The following ADGRA2 variants were observed in gnomAD, a reference collection of about 807,000 sequenced individuals.
The protein encoded by ADGRA2 is adhesion G protein-coupled receptor A2, also known as G-protein coupled receptor 124.
Under a neutral mutation model 98.7 loss-of-function variants are expected in ADGRA2, and 61 were observed. That is an observed-to-expected ratio of 0.62 (90% CI 0.50 to 0.76). The LOEUF is 0.76. Among genes scored for constraint, ADGRA2 ranks in the 30% least tolerant of loss-of-function variants. The probability of loss-of-function intolerance (pLI) is 0.00; values close to 1 mark genes in which losing one functional copy is unlikely to be tolerated. For synonymous variants in ADGRA2, 858 were observed against 831.5 expected (o/e 1.03, Z -0.55); for missense variants, 1,712 against 1,860.0 (o/e 0.92, Z 1.46).
Position 37,830,585 on chromosome 8 carries a change from A to C in ADGRA2, c.719-125A>C. On this transcript the variant is annotated intron_variant, in intron 6 of 18. Transcript: ENST00000412232. The surrounding 1 kb of genome is among the most constrained non-coding windows in gnomAD (Gnocchi z 4.8). ...TTTCTCTTGACCCCTTTTCCTTCCC[A>C]GCTGGAGCAGGCTGCAGGCCGAGGG... The C allele has an allele frequency of 1.5e-6, 1 of 666,358 alleles. No homozygotes were observed. The highest frequency in any genetic ancestry group is 1.8e-5 in the South Asian group (1 of 55,916). 41.3% of individuals were successfully genotyped at this position (666,358 alleles called of 1,614,324 possible). A position where few individuals can be genotyped will look rare whatever the true frequency, so the allele number is the denominator to read the frequency against.
At chr8:37,837,016 A>AGT (rs2130043428) in intron 13 of ADGRA2, among the ~76,000 whole-genome samples, 1 of 152,324 alleles carries the variant, frequency 6.6e-6, no homozygotes, top group African/African-American at 2.4e-5. Context: ...AGCAGAGAGG[A>AGT]CAGGCAGTGG....
In ADGRA2 at chr8:37,835,364, G is replaced by A. The variant is rs146483342; in HGVS notation, c.1799G>A (p.Arg600Lys). ...CTCCGCTTCCGCTGCACCACCGGGAGGCCCAATGTTTCTCTGTCGTCCTTC... is the reference window on the plus strand; with the variant it reads ...CTCCGCTTCCGCTGCACCACCGGGAAGCCCAATGTTTCTCTGTCGTCCTTC... ...QQLRFRCTTG[R>K]PNVSLSSFHI... Residue 600 changes from arginine to lysine, a missense_variant, in exon 12 of 19, where the codon AGG becomes AAG. Arg to Lys is a conservative substitution (Grantham distance 26). Transcript: ENST00000412232. 318 of 1,612,480 alleles carry A rather than the reference G, an allele frequency of 2.0e-4. No individual in the cohort carries two copies. The highest frequency in any genetic ancestry group is 2.6e-4 in the Non-Finnish European group (305 of 1,179,906).
intron 13 of ADGRA2, among the ~76,000 whole-genome samples, chr8:37,836,678 G>A (rs908436953): frequency 2.6e-5 from 4 of 152,134 alleles, no homozygotes; most frequent in African/African-American, 7.2e-5. Flanking sequence ...CCCTCATGCC[G>A]TCACCAGATT....
intron 2 of ADGRA2, among the ~76,000 whole-genome samples, chr8:37,824,271 T>C (rs550408812): frequency 1.6e-3 from 244 of 152,258 alleles, no homozygotes; most frequent in African/African-American, 5.4e-3. Context: ...CCTCGTGATC[T>C]GCCCGCCTTG....
At position 37,814,796 on chromosome 8, in the gene ADGRA2, C is replaced by T. The variant is rs868085799; in HGVS notation, c.267-100C>T. 4.9e-6 allele frequency: 4 copies of T among 819,264 alleles called. No homozygotes were observed. Among genetic ancestry groups the T allele is most frequent in the Non-Finnish European group, 6.4e-6 (3 of 469,888 alleles). 50.7% of individuals were successfully genotyped at this position (819,264 alleles called of 1,614,324 possible). On this transcript the variant is annotated intron_variant, in intron 1 of 18. Transcript: ENST00000412232. This position sits in a 1 kb window ranked among gnomAD's most constrained non-coding sequence, Gnocchi z 4.3. ...TGCTGCCTCGCACAACTCCAGGGGG[C>T]GCCATTGACAAAGATGCAAGCTGGC...
chr8:37,844,426 T>C lies in ADGRA2; in HGVS notation c.*2071T>C. 1 of 1,571,166 alleles carries C rather than the reference T, an allele frequency of 6.4e-7. No homozygotes were observed. Among genetic ancestry groups the C allele is most frequent in the African/African-American group, 1.3e-5 (1 of 74,292 alleles). ...TACGGACTGGTGTACACTTCCATCC[T>C]TGGTTATAACAGGAATGTTATCAAG... is the stretch of plus-strand genomic sequence containing the variant. On this transcript the variant is annotated 3_prime_UTR_variant, in exon 19 of 19. Coordinates refer to ENST00000412232, the MANE Select transcript of ADGRA2 (RefSeq NM_032777.10).
intron 2 of ADGRA2, among the ~76,000 whole-genome samples, chr8:37,817,014 G>C (rs1463946461): frequency 1.3e-5 from 2 of 151,454 alleles, no homozygotes; most frequent in East Asian, 3.9e-4. Flanking sequence ...GGAGGTGTCA[G>C]CAAAGTCCAA....
Position 37,833,218 on chromosome 8 carries a change from G to T in ADGRA2, c.1296+10G>T. 6.3e-7 allele frequency: 1 copy of T among 1,596,562 alleles called. No homozygotes were observed. The highest frequency in any genetic ancestry group is 8.5e-7 in the Non-Finnish European group (1 of 1,170,306). On this transcript the variant is annotated intron_variant, in intron 9 of 18. Coordinates refer to ENST00000412232, the MANE Select transcript of ADGRA2 (RefSeq NM_032777.10). ...GTACACCTTCGTGCTGGTGAGGAGA[G>T]GCTAGGGCACCCCACCAGCTCTGCT...
chr8:37,824,245 G>A (rs1423813779), intron 2 of ADGRA2, among the ~76,000 whole-genome samples: 2 of 151,886 alleles, frequency 1.3e-5, no homozygotes, highest in East Asian at 1.9e-4. Context: ...TAGTCAGGCT[G>A]GTCTCGAACT....
In ADGRA2 at chr8:37,802,240, A is replaced by G. The variant is rs1804529903; in HGVS notation, c.266+4706A>G. On this transcript the variant is annotated intron_variant, in intron 1 of 18. Coordinates refer to ENST00000412232, the MANE Select transcript of ADGRA2 (RefSeq NM_032777.10). The surrounding 1 kb of genome is among the most constrained non-coding windows in gnomAD (Gnocchi z 4.7). ...CAGCCACCAGGATCCAGTTAGGGGAATTTGGGCAAAGTGTGCCAAGCGTCG... is the reference window on the plus strand; with the variant it reads ...CAGCCACCAGGATCCAGTTAGGGGAGTTTGGGCAAAGTGTGCCAAGCGTCG... 6.6e-6 allele frequency among the ~76,000 whole-genome samples: 1 copy of G among 152,162 alleles called. No individual in the cohort carries two copies.
rs1420036981 is a variant in ADGRA2, at chr8:37,842,465, T to C, written c.*110T>C. ...AGCAGGTTGGAGGCAGAGGAGCCGA[T>C]GGCTGGAGGAAGCCCACAGGCGGAT... On this transcript the variant is annotated 3_prime_UTR_variant, in exon 19 of 19. Coordinates refer to ENST00000412232, the MANE Select transcript of ADGRA2 (RefSeq NM_032777.10). 8.8e-6 allele frequency: 12 copies of C among 1,369,256 alleles called. No homozygotes were observed. Among genetic ancestry groups the C allele is most frequent in the South Asian group, 1.8e-5 (1 of 54,748 alleles). 84.8% of individuals were successfully genotyped at this position (1,369,256 alleles called of 1,614,324 possible).
In ADGRA2 at chr8:37,844,770, G is replaced by A. The variant is rs138821188; in HGVS notation, c.*2415G>A. The A allele has an allele frequency of 3.1e-5, 50 of 1,613,744 alleles. No individual in the cohort carries two copies. Among genetic ancestry groups the A allele is most frequent in the Admixed American group, 6.7e-5 (4 of 59,970 alleles). ...TTCTCCTTGCCCCTGTCCCCACCCCGGTGGCTCCTTCTCTCGGGTCTCCAC... is the reference window on the plus strand; with the variant it reads ...TTCTCCTTGCCCCTGTCCCCACCCCAGTGGCTCCTTCTCTCGGGTCTCCAC... On this transcript the variant is annotated 3_prime_UTR_variant, in exon 19 of 19. Coordinates refer to ENST00000412232, the MANE Select transcript of ADGRA2 (RefSeq NM_032777.10).
rs1256664916 is a variant in ADGRA2 at position 37,830,028 on chromosome 8, C to A, written c.718+14C>A. On this transcript the variant is annotated intron_variant, in intron 6 of 18. Coordinates refer to ENST00000412232, the MANE Select transcript of ADGRA2 (RefSeq NM_032777.10). This position sits in a 1 kb window ranked among gnomAD's most constrained non-coding sequence, Gnocchi z 4.8. ...AGCTCTGCTGCGGTGAGCAAGTCCC[C>A]CCAGCTACACATCTCCCAGGGACCC... 6.7e-7 allele frequency: 1 copy of A among 1,502,478 alleles called. No individual in the cohort carries two copies. Among genetic ancestry groups the A allele is most frequent in the Admixed American group, 2.1e-5 (1 of 48,322 alleles). The allele number at this position is 1,502,478 out of a possible 1,614,324, so 93.1% of individuals were successfully genotyped here. A position where few individuals can be genotyped will look rare whatever the true frequency, so the allele number is the denominator to read the frequency against.
chr8:37,823,392 G>A (rs531349844), intron 2 of ADGRA2, among the ~76,000 whole-genome samples: 3 of 151,796 alleles, frequency 2.0e-5, no homozygotes, highest in South Asian at 2.1e-4. Flanking sequence ...TAGAGATAGG[G>A]GTCTCACTGT....
chr8:37,815,522 G>T (rs964419720), intron 2 of ADGRA2, among the ~76,000 whole-genome samples: 1 of 152,220 alleles, frequency 6.6e-6, no homozygotes, highest in Non-Finnish European at 1.5e-5. Flanking sequence ...GCCAGGTCTG[G>T]GCGTTCCCCG....
At chr8:37,812,626 C>CA (rs1563340448) in intron 1 of ADGRA2, among the ~76,000 whole-genome samples, 1 of 150,740 alleles carries the variant, frequency 6.6e-6, no homozygotes, top group Non-Finnish European at 1.5e-5. Context: ...GACTCCGTCT[C>CA]AAAAAAATAA....
intron 1 of ADGRA2, among the ~76,000 whole-genome samples, chr8:37,799,993 G>T (rs570938787): frequency 2.6e-5 from 4 of 152,238 alleles, no homozygotes; most frequent in African/African-American, 7.2e-5. Context: ...CTGGGCAAAG[G>T]TTCCTTCCTC....
rs1191824099 is a variant in ADGRA2 at position 37,841,641 on chromosome 8, C to T, written c.3303C>T (p.Ala1101=). The T allele has an allele frequency of 6.6e-7, 1 of 1,525,002 alleles. No homozygotes were observed. The highest frequency in any genetic ancestry group is 8.8e-7 in the Non-Finnish European group (1 of 1,136,046). 94.5% of individuals were successfully genotyped at this position (1,525,002 alleles called of 1,614,324 possible). A position where few individuals can be genotyped will look rare whatever the true frequency, so the allele number is the denominator to read the frequency against. ...ATGCCCCGCCCCGGGCCCTGCCCGC[C>T]GCCGCAGAGGACGGTTCCCCGGTGT... ...APHAPPRALP[A]AAEDGSPVFG... Residue 1101 remains alanine, a synonymous_variant, in exon 19 of 19, where the codon GCC becomes GCT. Coordinates refer to ENST00000412232, the MANE Select transcript of ADGRA2 (RefSeq NM_032777.10). The surrounding 1 kb of genome is among the most constrained non-coding windows in gnomAD (Gnocchi z 5.0).
Position 37,835,787 on chromosome 8 carries a change from C to T in ADGRA2, c.2050+17C>T. 6.6e-7 allele frequency: 1 copy of T among 1,525,844 alleles called. No homozygotes were observed. Among genetic ancestry groups the T allele is most frequent in the African/African-American group, 1.4e-5 (1 of 73,346 alleles). The allele number at this position is 1,525,844 out of a possible 1,614,324, so 94.5% of individuals were successfully genotyped here. A position where few individuals can be genotyped will look rare whatever the true frequency, so the allele number is the denominator to read the frequency against. ...CAGGAACCAGTAAGGGACTGAATTC[C>T]CCGCCCCGCCCAGGGTGCCTCTCGT... On this transcript the variant is annotated intron_variant, in intron 13 of 18. Coordinates refer to ENST00000412232, the MANE Select transcript of ADGRA2 (RefSeq NM_032777.10).
Sources: gnomAD v4.1 joint callset for allele counts (sites outside exome capture counted in the v4.1 genomes callset) on GRCh38, gnomAD v4.1.1 for gene constraint, Gnocchi (gnomAD v3.1) non-coding constraint, MANE v1.5 for transcripts, NCBI Gene and HGNC (gene_info 2026-07-23, HGNC 2026-07-21) for gene names.